Variants in GUCY1B1 observed in about 807,000 individuals in gnomAD.
The protein encoded by GUCY1B1 is guanylate cyclase 1 soluble subunit beta 1, also known as guanylate cyclase soluble subunit beta-1.
A neutral mutation model predicts 71.0 loss-of-function variants in GUCY1B1; 43 were observed. The observed-to-expected ratio is 0.61, with a 90% confidence interval of 0.47 to 0.78. GUCY1B1 has a LOEUF of 0.78. Among genes scored for constraint, GUCY1B1 ranks in the 30% least tolerant of loss-of-function variants. GUCY1B1 has a pLI of 0.00. For synonymous variants in GUCY1B1, 266 were observed against 259.7 expected (o/e 1.02, Z -0.23); for missense variants, 535 against 754.1 (o/e 0.71, Z 3.40).
intron 5 of GUCY1B1, among the ~76,000 whole-genome samples, chr4:155,792,644 A>C (rs1310281563): frequency 6.6e-6 from 1 of 151,636 alleles, no homozygotes; most frequent in Non-Finnish European, 1.5e-5. Context: ...CTCCTGAAAA[A>C]AAAAAAAGAA....
Position 155,793,922 on chromosome 4 carries a change from GA to G in GUCY1B1, c.564del (p.Glu189ArgfsTer33), listed in dbSNP as rs762176506. 6.3e-7 allele frequency: 1 copy of G among 1,595,724 alleles called. No individual in the cohort carries two copies. The highest frequency in any genetic ancestry group is 1.1e-5 in the South Asian group (1 of 90,692). ...QFLIEEKESKEEDFYEDLDRF... is the reference protein window; with the variant it reads ...QFLIEEKESKXEDFYEDLDRF... ...TTTAATTGAAGAAAAAGAGTCAAAA[GA>G]AGAGGATTTTTATGAAGATCTTGAC... On this transcript the variant is annotated frameshift_variant, in exon 6 of 14. Transcript: ENST00000264424. LOFTEE classifies it high-confidence loss of function.
chr4:155,772,301 TA>T (rs1737745333), intron 2 of GUCY1B1, among the ~76,000 whole-genome samples: 1 of 152,230 alleles, frequency 6.6e-6, no homozygotes, highest in Admixed American at 6.5e-5. Flanking sequence ...GGAATATGTA[TA>T]GTACTTTAAC....
At position 155,802,458 on chromosome 4, in the gene GUCY1B1, A is replaced by G. The variant is rs577002217; in HGVS notation, c.1292A>G (p.Asn431Ser). The G allele has an allele frequency of 5.0e-6, 8 of 1,613,860 alleles. No individual in the cohort carries two copies. Among genetic ancestry groups the G allele is most frequent in the South Asian group, 2.2e-5 (2 of 91,080 alleles). The change falls in exon 10 of 14, where the codon AAT becomes AGT. Residue 431 changes from asparagine to serine, a missense_variant. Coordinates refer to ENST00000264424, the MANE Select transcript of GUCY1B1 (RefSeq NM_000857.5). The surrounding 1 kb of genome is among the most constrained non-coding windows in gnomAD (Gnocchi z 4.3). ...CTCTTTAGTGGCATTGTGGGCTTCA[A>G]TGCTTTCTGTAGCAAGCATGCATCT... Reference protein sequence around the residue: ...TILFSGIVGFNAFCSKHASGE... With the variant: ...TILFSGIVGFSAFCSKHASGE...
At chr4:155,780,430 T>C (rs1179859363) in intron 4 of GUCY1B1, among the ~76,000 whole-genome samples, 1 of 152,144 alleles carries the variant, frequency 6.6e-6, no homozygotes, top group Non-Finnish European at 1.5e-5. Flanking sequence ...CTAGTCACGG[T>C]AACTAACCTC....
chr4:155,805,362 G>A (rs1740246746), intron 13 of GUCY1B1, 133 bp downstream of exon 13: 1 of 757,692 alleles, frequency 1.3e-6, no homozygotes, highest in Admixed American at 3.1e-5. Flanking sequence ...AAGTAAAGCA[G>A]TGGAAATAAT....
intron 8 of GUCY1B1, among the ~76,000 whole-genome samples, chr4:155,798,407 C>G (rs1004674806): frequency 6.6e-6 from 1 of 152,116 alleles, no homozygotes; most frequent in Non-Finnish European, 1.5e-5. Context: ...TGTTTTTTCT[C>G]TGCTCATGGG....
At chr4:155,771,094 A>C (rs1176006780) in intron 2 of GUCY1B1, among the ~76,000 whole-genome samples, 1 of 152,224 alleles carries the variant, frequency 6.6e-6, no homozygotes, top group Non-Finnish European at 1.5e-5. Flanking sequence ...AAACTGTTCC[A>C]TAAGAAAAAA....
chr4:155,792,948 C>T (rs1212176936), intron 5 of GUCY1B1, among the ~76,000 whole-genome samples: 7 of 152,122 alleles, frequency 4.6e-5, no homozygotes, highest in African/African-American at 7.2e-5. Flanking sequence ...ATCAAAGAAT[C>T]CACAAAATTT....
rs148565318 is a variant in GUCY1B1 at position 155,763,215 on chromosome 4, G to A, written c.77+3355G>A. 7.2e-4 allele frequency among the ~76,000 whole-genome samples: 110 copies of A among 152,130 alleles called. 1 individual carries two copies. The highest frequency in any genetic ancestry group is 2.4e-3 in the African/African-American group (100 of 41,492). ...CTTTCCATATTTTTTCTGGGTAGCA[G>A]CGGAGGGAAGCAGTTAGAGACAGGT... is the stretch of plus-strand genomic sequence containing the variant. On this transcript the variant is annotated intron_variant, in intron 2 of 13. Transcript: ENST00000264424.
intron 2 of GUCY1B1, among the ~76,000 whole-genome samples, chr4:155,760,099 G>A (rs1455029505): frequency 2.0e-5 from 3 of 152,268 alleles, no homozygotes; most frequent in East Asian, 1.9e-4. Flanking sequence ...GAGCCCCTAG[G>A]GGTCACCACG....
intron 4 of GUCY1B1, among the ~76,000 whole-genome samples, chr4:155,783,968 G>A (rs543812520): frequency 1.3e-5 from 2 of 152,016 alleles, no homozygotes; most frequent in Non-Finnish European, 2.9e-5. Flanking sequence ...AGGCTTTTCA[G>A]TTTGAATAAC....
intron 2 of GUCY1B1, 62 bp downstream of exon 2, chr4:155,759,922 G>A (rs1027099783): frequency 7.4e-6 from 9 of 1,224,102 alleles, no homozygotes; most frequent in African/African-American, 6.0e-5. Context: ...GGCCCCCCGC[G>A]CCTCGCCTGG....
In GUCY1B1 at chr4:155,803,649, T is replaced by G; in HGVS notation, c.1439T>G (p.Met480Arg). ...GTGGAGACTGTTGGTGACAAGTATA[T>G]GACAGTGAGTGGTTTACCAGAGCCA... The part of the protein sequence containing the change: ...YKVETVGDKY[M>R]TVSGLPEPCI... The change falls in exon 11 of 14, where the codon ATG becomes AGG. Residue 480 changes from methionine to arginine, a missense_variant. By Grantham distance (91) the Met-to-Arg change is moderately conservative. Transcript: ENST00000264424. 1 of 1,604,524 alleles carries G rather than the reference T, an allele frequency of 6.2e-7. No individual in the cohort carries two copies. The highest frequency in any genetic ancestry group is 8.5e-7 in the Non-Finnish European group (1 of 1,175,288).
In GUCY1B1 at chr4:155,793,839, C is replaced by T; in HGVS notation, c.496-17C>T. The stretch of plus-strand genomic sequence containing the variant: ...GAAATGAAGACAATTCATGCCATTT[C>T]CCCCTTTGATATCCAGGTTATTCAG... On this transcript the variant is annotated splice_polypyrimidine_tract_variant and intron_variant, in intron 5 of 13. Transcript: ENST00000264424. The T allele has an allele frequency of 4.6e-6, 5 of 1,080,306 alleles. No individual in the cohort carries two copies. The highest frequency in any genetic ancestry group is 7.2e-6 in the Non-Finnish European group (5 of 696,792). The allele number at this position is 1,080,306 out of a possible 1,614,324, so 66.9% of individuals were successfully genotyped here. A position where few individuals can be genotyped will look rare whatever the true frequency, so the allele number is the denominator to read the frequency against.
chr4:155,804,555 T>G, intron 11 of GUCY1B1, 38 bp from the exon 12 acceptor site: 3 of 1,541,424 alleles, frequency 1.9e-6, no homozygotes, highest in African/African-American at 1.4e-5. Context: ...CATGTGTTAG[T>G]GATCAAAATG....
Position 155,802,587 on chromosome 4 carries a change from T to A in GUCY1B1, c.1413+8T>A, listed in dbSNP as rs1275080357. ...AACCCATTTGTTTATAAGGCAAGTG[T>A]TCTTTATCGCTGACTGCAGAGCTAT... On this transcript the variant is annotated splice_region_variant and intron_variant, in intron 10 of 13. Coordinates refer to ENST00000264424, the MANE Select transcript of GUCY1B1 (RefSeq NM_000857.5). The surrounding 1 kb of genome is among the most constrained non-coding windows in gnomAD (Gnocchi z 4.3). The A allele has an allele frequency of 1.9e-6, 3 of 1,566,876 alleles. No individual in the cohort carries two copies. The Admixed American group carries it at 5.5e-5, about 29-fold the overall frequency.
rs1579262531 is a variant in GUCY1B1 at position 155,803,839 on chromosome 4, A to C, written c.1554+75A>C. On this transcript the variant is annotated intron_variant, in intron 11 of 13. Coordinates refer to ENST00000264424, the MANE Select transcript of GUCY1B1 (RefSeq NM_000857.5). ...ACAATTGATTCATATCGTTGTCCGG[A>C]AAATCATTAACGTGTATAAAGAAGG... is the stretch of plus-strand genomic sequence containing the variant. The C allele has an allele frequency of 8.9e-6, 9 of 1,005,896 alleles. No homozygotes were observed. In the East Asian group the frequency reaches 2.6e-4, roughly 29 times the overall value. 62.3% of individuals were successfully genotyped at this position (1,005,896 alleles called of 1,614,324 possible). A position where few individuals can be genotyped will look rare whatever the true frequency, so the allele number is the denominator to read the frequency against.
At position 155,802,238 on chromosome 4, in the gene GUCY1B1, T is replaced by C; in HGVS notation, c.1176-104T>C. On this transcript the variant is annotated intron_variant, in intron 9 of 13. Transcript: ENST00000264424. This position sits in a 1 kb window ranked among gnomAD's most constrained non-coding sequence, Gnocchi z 4.3. Reference sequence around the variant, plus strand: ...AGGATGTCCTGCTAGAATCCAGGCCTTTAAAGTACAAACGACACTGATGCT... The same window carrying C: ...AGGATGTCCTGCTAGAATCCAGGCCCTTAAAGTACAAACGACACTGATGCT... The C allele has an allele frequency of 1.9e-6, 3 of 1,551,080 alleles. No individual in the cohort carries two copies. Among genetic ancestry groups the C allele is most frequent in the East Asian group, 4.8e-5 (2 of 42,014 alleles).
At chr4:155,771,389 T>TC (rs1447471139) in intron 2 of GUCY1B1, among the ~76,000 whole-genome samples, 2 of 152,204 alleles carry the variant, frequency 1.3e-5, no homozygotes, top group Non-Finnish European at 2.9e-5. Flanking sequence ...AAATGGCTGT[T>TC]CCCCTGTTTT....
Sources: allele counts gnomAD v4.1 joint callset (sites outside exome capture counted in the v4.1 genomes callset), GRCh38; gene constraint gnomAD v4.1.1; non-coding constraint Gnocchi (gnomAD v3.1); transcripts MANE v1.5; gene names NCBI Gene and HGNC (gene_info 2026-07-23, HGNC 2026-07-21).